COL28A1: variants seen among roughly 807,000 people sequenced by gnomAD.
The protein encoded by COL28A1 is collagen alpha-1(XXVIII) chain.
A neutral mutation model predicts 150.2 loss-of-function variants in COL28A1; 161 were observed. That is an observed-to-expected ratio of 1.07 (90% confidence interval 0.94 to 1.22). COL28A1 has a LOEUF of 1.22. Ranked by LOEUF, COL28A1 falls within the 50% of genes most tolerant of loss-of-function variation. COL28A1 has a pLI of 0.00. For synonymous variants in COL28A1, 552 were observed against 469.7 expected, an observed-to-expected ratio of 1.18 and a Z score of -2.26; for missense variants, 1,617 against 1,388.3, an observed-to-expected ratio of 1.16 and a Z score of -2.62.
chr7:7,441,524 GA>G (rs55984344), intron 20 of COL28A1, among the ~76,000 whole-genome samples: 4,242 of 139,032 alleles, frequency 0.031, 65 homozygotes, highest in Middle Eastern at 0.066. Context: ...CTCAACAAAC[GA>G]AAAAAAAAAA....
chr7:7,444,114 G>C (rs1198367743), intron 19 of COL28A1, among the ~76,000 whole-genome samples: 1 of 151,546 alleles, frequency 6.6e-6, no homozygotes, highest in Admixed American at 6.6e-5. Flanking sequence ...TGCCTCTTAG[G>C]GGGAGGCGGG....
rs745563247 is a variant in COL28A1, at chr7:7,437,481, C to T, written c.1723-19G>A. Reference sequence around the variant, plus strand: ...GTTCACCCTTAAAAAGAGCAAAATGCTCACTACATTTCAAGCAGAGAAAGC... The same window carrying T: ...GTTCACCCTTAAAAAGAGCAAAATGTTCACTACATTTCAAGCAGAGAAAGC... On this transcript the variant is annotated intron_variant, in intron 21 of 34. Transcript: ENST00000399429. The T allele has an allele frequency of 1.4e-5, 23 of 1,609,968 alleles. No individual in the cohort carries two copies. Among genetic ancestry groups the T allele is most frequent in the East Asian group, 2.2e-5 (1 of 44,836 alleles).
chr7:7,495,459 A>G (rs1780156252), intron 11 of COL28A1, among the ~76,000 whole-genome samples: 1 of 152,110 alleles, frequency 6.6e-6, no homozygotes, highest in Non-Finnish European at 1.5e-5. Context: ...GGAGTTGGGG[A>G]AAAAGAGAAT....
At chr7:7,410,565 A>T (rs1783725855) in intron 27 of COL28A1, among the ~76,000 whole-genome samples, 1 of 151,660 alleles carries the variant, frequency 6.6e-6, no homozygotes, top group African/African-American at 2.4e-5. Flanking sequence ...TGGATAACTT[A>T]TTGTTTCTAT....
chr7:7,403,796 T>G (rs1783350618), intron 27 of COL28A1, among the ~76,000 whole-genome samples: 1 of 152,218 alleles, frequency 6.6e-6, no homozygotes, highest in African/African-American at 2.4e-5. Context: ...TTTGTATGGT[T>G]CAATAGCTTA....
chr7:7,419,586 A>G (rs968795209), intron 26 of COL28A1, among the ~76,000 whole-genome samples: 4 of 152,176 alleles, frequency 2.6e-5, no homozygotes, highest in Non-Finnish European at 5.9e-5. Flanking sequence ...CCTCTGCCAA[A>G]GTAAAGATGT....
chr7:7,350,009 T>C, the COL28A1 span, among the ~76,000 whole-genome samples: 1 of 152,154 alleles, frequency 6.6e-6, no homozygotes, highest in Admixed American at 6.6e-5. Flanking sequence ...AGAGAGGTCC[T>C]GAAAAACCTT....
At chr7:7,401,926 A>G (rs1380173897) in intron 27 of COL28A1, among the ~76,000 whole-genome samples, 1 of 152,186 alleles carries the variant, frequency 6.6e-6, no homozygotes, top group Non-Finnish European at 1.5e-5. Flanking sequence ...AGAACCCCCA[A>G]AATTTATTCT....
chr7:7,414,636 C>G (rs561018260), intron 27 of COL28A1, among the ~76,000 whole-genome samples: 1 of 152,350 alleles, frequency 6.6e-6, no homozygotes, highest in South Asian at 2.1e-4. Flanking sequence ...AGATCATACT[C>G]TTCCACATAG....
intron 13 of COL28A1, among the ~76,000 whole-genome samples, chr7:7,488,100 G>A (rs1159907507): frequency 6.6e-6 from 1 of 152,146 alleles, no homozygotes; most frequent in East Asian, 1.9e-4. Flanking sequence ...AAAATCATAA[G>A]GAATAACAAA....
At chr7:7,456,313 A>C (rs1294770310) in intron 15 of COL28A1, among the ~76,000 whole-genome samples, 2 of 152,182 alleles carry the variant, frequency 1.3e-5, no homozygotes, top group Admixed American at 6.5e-5. Flanking sequence ...CATTTTTGCT[A>C]TTCAGTCTAA....
At chr7:7,435,503 C>T (rs569611811) in intron 23 of COL28A1, among the ~76,000 whole-genome samples, 2 of 152,194 alleles carry the variant, frequency 1.3e-5, no homozygotes, top group African/African-American at 2.4e-5. Flanking sequence ...CCTTCAATCC[C>T]GGGCAAACTA....
chr7:7,437,181 A>G (rs888183691), intron 22 of COL28A1, among the ~76,000 whole-genome samples: 8 of 152,186 alleles, frequency 5.3e-5, no homozygotes, highest in African/African-American at 1.4e-4. Flanking sequence ...TGAAGGGTAA[A>G]GTGACAAGCT....
chr7:7,374,036 A>T (rs7804728), intron 31 of COL28A1, among the ~76,000 whole-genome samples: 3,909 of 77,464 alleles, frequency 0.05, 85 homozygotes, highest in Non-Finnish European at 0.074. Context: ...AAAAAAAAAA[A>T]AAATATATAT....
chr7:7,412,215 C>A (rs998501739), intron 27 of COL28A1, among the ~76,000 whole-genome samples: 5 of 152,078 alleles, frequency 3.3e-5, no homozygotes, highest in African/African-American at 4.8e-5. Context: ...TCTACATGCT[C>A]CCTTTTTGCC....
At chr7:7,374,627 TTTC>T (rs1781449626) in intron 31 of COL28A1, among the ~76,000 whole-genome samples, 1 of 152,150 alleles carries the variant, frequency 6.6e-6, no homozygotes. Context: ...CAGGATTCTG[TTTC>T]TTTATTCATA....
At chr7:7,466,452 T>C (rs1202753632) in intron 15 of COL28A1, among the ~76,000 whole-genome samples, 1 of 116,506 alleles carries the variant, frequency 8.6e-6, no homozygotes, top group East Asian at 2.5e-4. Flanking sequence ...AATATGGGAC[T>C]ATGTGAAAAG....
chr7:7,529,162 G>A (rs1194796608), intron 3 of COL28A1, among the ~76,000 whole-genome samples: 1 of 151,720 alleles, frequency 6.6e-6, no homozygotes, highest in Non-Finnish European at 1.5e-5. Flanking sequence ...GGTGGCAGGC[G>A]CCTGTAATGC....
At chr7:7,486,153 C>A (rs1779613967) in intron 13 of COL28A1, among the ~76,000 whole-genome samples, 1 of 152,000 alleles carries the variant, frequency 6.6e-6, no homozygotes, top group African/African-American at 2.4e-5. Flanking sequence ...TTTATACAAG[C>A]CCTATATGTG....
Sources: allele counts gnomAD v4.1 joint callset (sites outside exome capture counted in the v4.1 genomes callset), GRCh38; gene constraint gnomAD v4.1.1; transcripts MANE v1.5; gene names NCBI Gene and HGNC (gene_info 2026-07-23, HGNC 2026-07-21).